The following SAMMSON variants were observed in gnomAD, a reference collection of about 807,000 sequenced individuals.
SAMMSON encodes long intergenic non-protein coding RNA 1212.
chr3:70,343,612 G>T (rs1415822351), intron 7 of SAMMSON, among the ~76,000 whole-genome samples: 4 of 152,038 alleles, frequency 2.6e-5, no homozygotes, highest in Non-Finnish European at 5.9e-5. Context: ...TTTTGCTGTT[G>T]ACATTAGCCT....
intron 4 of SAMMSON, among the ~76,000 whole-genome samples, chr3:70,245,666 C>G (rs1701699430): frequency 9.2e-6 from 1 of 109,078 alleles, no homozygotes; most frequent in Admixed American, 1.1e-4. Context: ...TTTTTGCAAA[C>G]TGCTTTATAT....
At position 70,316,933 on chromosome 3, in the gene SAMMSON, T is replaced by C. The variant is rs186214480; in HGVS notation, n.739+25690T>C. Among the ~76,000 whole-genome samples the C allele has an allele frequency of 3.1e-3, 476 of 152,218 alleles. 1 individual carries two copies. The highest frequency in any genetic ancestry group is 5.5e-3 in the Non-Finnish European group (371 of 67,952). On this transcript the variant is annotated intron_variant and non_coding_transcript_variant, in intron 7 of 9. Coordinates refer to ENST00000642114, the Ensembl canonical transcript of SAMMSON. ...ATACCTGCTTTTTCTAACTGAGACCTTGGCTGGCATTGAGAAATCGTGTAA... is the reference window on the plus strand; with the variant it reads ...ATACCTGCTTTTTCTAACTGAGACCCTGGCTGGCATTGAGAAATCGTGTAA...
intron 4 of SAMMSON, among the ~76,000 whole-genome samples, chr3:70,136,018 A>C (rs1205025717): frequency 6.6e-6 from 1 of 152,056 alleles, no homozygotes; most frequent in Non-Finnish European, 1.5e-5. Flanking sequence ...TATAATGTAA[A>C]GGTTTTTCCC....
intron 9 of SAMMSON, among the ~76,000 whole-genome samples, chr3:70,377,984 G>C (rs1225960413): frequency 6.6e-6 from 1 of 152,006 alleles, no homozygotes. Flanking sequence ...CTCATACATT[G>C]ATGGTGGGAT....
intron 4 of SAMMSON, among the ~76,000 whole-genome samples, chr3:70,226,933 T>C (rs554767666): frequency 2.0e-5 from 3 of 152,066 alleles, no homozygotes; most frequent in Non-Finnish European, 4.4e-5. Flanking sequence ...TCTTTACCCA[T>C]AGATTTTTTA....
intron 4 of SAMMSON, among the ~76,000 whole-genome samples, chr3:70,139,159 T>C (rs2067517610): frequency 6.6e-6 from 1 of 152,112 alleles, no homozygotes; most frequent in Admixed American, 6.6e-5. Context: ...AAAAATAAAA[T>C]CTGAGTAGCT....
chr3:70,115,259 G>A (rs1266340661), intron 4 of SAMMSON, among the ~76,000 whole-genome samples: 2 of 151,248 alleles, frequency 1.3e-5, no homozygotes, highest in East Asian at 3.9e-4. Flanking sequence ...GACTAGAGAG[G>A]TTAAGTTAAA....
chr3:70,310,757 C>T (rs1418864469), intron 7 of SAMMSON, among the ~76,000 whole-genome samples: 1 of 152,110 alleles, frequency 6.6e-6, no homozygotes, highest in Non-Finnish European at 1.5e-5. Flanking sequence ...GTGTTGATTT[C>T]AACACTGTAG....
chr3:70,422,201 TAAAATGAAA>T (rs1701318686), intron 2 of SAMMSON, among the ~76,000 whole-genome samples: 1 of 151,994 alleles, frequency 6.6e-6, no homozygotes, highest in South Asian at 2.1e-4. Context: ...GACAGAGGCA[TAAAATGAAA>T]AAAATTGTTA....
At chr3:70,348,756 CG>C (rs1205414254) in intron 7 of SAMMSON, among the ~76,000 whole-genome samples, 1 of 152,068 alleles carries the variant, frequency 6.6e-6, no homozygotes, top group Non-Finnish European at 1.5e-5. Flanking sequence ...TGAGAAGTAA[CG>C]GGGACACAGG....
At chr3:70,431,899 C>T (rs959726384) in intron 2 of SAMMSON, among the ~76,000 whole-genome samples, 3 of 151,994 alleles carry the variant, frequency 2.0e-5, no homozygotes, top group Non-Finnish European at 4.4e-5. Context: ...TTTTGCATGA[C>T]AAGCAGTTCA....
intron 4 of SAMMSON, among the ~76,000 whole-genome samples, chr3:70,223,124 A>G (rs1433284936): frequency 6.6e-6 from 1 of 152,154 alleles, no homozygotes; most frequent in Non-Finnish European, 1.5e-5. Flanking sequence ...CCTGCTTCTG[A>G]TGATTGTCAT....
intron 4 of SAMMSON, among the ~76,000 whole-genome samples, chr3:70,077,095 T>C (rs2067250577): frequency 1.3e-5 from 2 of 152,172 alleles, no homozygotes; most frequent in South Asian, 4.1e-4. Context: ...GGCTCGCCTT[T>C]GTGAAAAACA....
chr3:70,256,598 A>T (rs1701818896), intron 6 of SAMMSON, among the ~76,000 whole-genome samples: 1 of 152,194 alleles, frequency 6.6e-6, no homozygotes, highest in South Asian at 2.1e-4. Context: ...CTGCTCCATC[A>T]GTAAATAATG....
intron 7 of SAMMSON, among the ~76,000 whole-genome samples, chr3:70,294,137 G>T (rs112177155): frequency 1.3e-5 from 2 of 152,092 alleles, no homozygotes; most frequent in African/African-American, 4.8e-5. Context: ...AATGTCAGTT[G>T]TTCAAAATAA....
intron 3 of SAMMSON, among the ~76,000 whole-genome samples, chr3:70,070,983 A>T (rs2067227103): frequency 6.6e-6 from 1 of 152,044 alleles, no homozygotes; most frequent in Non-Finnish European, 1.5e-5. Flanking sequence ...AATGTGCTTT[A>T]AATTATAATT....
chr3:70,319,440 C>T (rs1575624929), intron 7 of SAMMSON, among the ~76,000 whole-genome samples: 3 of 151,956 alleles, frequency 2.0e-5, no homozygotes, highest in South Asian at 2.1e-4. Context: ...AATGCAAGTC[C>T]AGTGTATTCT....
chr3:70,388,978 C>T (rs574909374), intron 9 of SAMMSON, among the ~76,000 whole-genome samples: 1 of 151,984 alleles, frequency 6.6e-6, no homozygotes, highest in African/African-American at 2.4e-5. Flanking sequence ...TGAGGGAGTT[C>T]TCACTCTCAA....
chr3:70,049,060 A>G (rs1423871000), intron 3 of SAMMSON, among the ~76,000 whole-genome samples: 1 of 152,168 alleles, frequency 6.6e-6, no homozygotes, highest in African/African-American at 2.4e-5. Flanking sequence ...AAAGAGACAT[A>G]ACTCCTAAGA....
Sources: gnomAD v4.1 joint callset for allele counts (sites outside exome capture counted in the v4.1 genomes callset) on GRCh38, gnomAD v4.1.1 for gene constraint, MANE v1.5 for transcripts, NCBI Gene and HGNC (gene_info 2026-07-23, HGNC 2026-07-21) for gene names.